LRRTM3: variants seen among roughly 807,000 people sequenced by gnomAD.
LRRTM3 encodes the protein leucine rich repeat transmembrane neuronal 3.
In LRRTM3, 24 loss-of-function variants were observed where a neutral mutation model predicts 44.7. The observed-to-expected ratio is 0.54, with a 90% CI of 0.39 to 0.76. The LOEUF (loss-of-function observed/expected upper bound fraction) is 0.76. Ranked by LOEUF, LRRTM3 falls within the 30% of genes least tolerant of loss-of-function variation. The pLI is 0.00. For missense variants in LRRTM3, 587 were observed against 702.2 expected (o/e 0.84, Z 1.85); for synonymous variants, 277 against 278.7 (o/e 0.99, Z 0.06).
chr10:67,055,191 T>A (rs1855348145), intron 2 of LRRTM3, among the ~76,000 whole-genome samples: 1 of 152,184 alleles, frequency 6.6e-6, no homozygotes, highest in Non-Finnish European at 1.5e-5. Context: ...GCATCTCAAC[T>A]TTCCACATAA....
chr10:67,013,371 A>G (rs1382572368), intron 2 of LRRTM3, among the ~76,000 whole-genome samples: 1 of 152,148 alleles, frequency 6.6e-6, no homozygotes, highest in Admixed American at 6.6e-5. Flanking sequence ...CTTTATTAGG[A>G]TTTGTTAAAA....
chr10:67,052,801 T>C (rs145579261), intron 2 of LRRTM3: 38 of 152,326 alleles, frequency 2.5e-4, no homozygotes, highest in African/African-American at 8.9e-4. Flanking sequence ...TTTCTCTTTT[T>C]TTTAAGTTTT....
intron 2 of LRRTM3, among the ~76,000 whole-genome samples, chr10:67,086,417 G>A (rs1346724448): frequency 6.6e-6 from 1 of 151,998 alleles, no homozygotes; most frequent in African/African-American, 2.4e-5. Context: ...TGAAGTTGAA[G>A]AGAAATTCAA....
At chr10:67,009,441 T>C (rs1029625531) in intron 2 of LRRTM3, among the ~76,000 whole-genome samples, 3 of 152,172 alleles carry the variant, frequency 2.0e-5, no homozygotes, top group African/African-American at 7.2e-5. Context: ...TTCTCTCCCA[T>C]TTCTCTCCTG....
intron 2 of LRRTM3, among the ~76,000 whole-genome samples, chr10:66,947,880 T>C (rs1018181405): frequency 3.0e-4 from 45 of 152,320 alleles, no homozygotes; most frequent in African/African-American, 1.1e-3. Context: ...TTAGGCAATT[T>C]TGTCATTGTG....
chr10:66,975,360 C>T (rs943722597), intron 2 of LRRTM3, among the ~76,000 whole-genome samples: 2 of 152,136 alleles, frequency 1.3e-5, no homozygotes, highest in African/African-American at 4.8e-5. Flanking sequence ...GATGCCTAAG[C>T]ATTGTAGGTA....
At chr10:66,942,827 C>T (rs1848079026) in intron 2 of LRRTM3, among the ~76,000 whole-genome samples, 3 of 152,132 alleles carry the variant, frequency 2.0e-5, no homozygotes, top group Non-Finnish European at 4.4e-5. Flanking sequence ...AGGAAGAAAA[C>T]ACAATATCAA....
intron 2 of LRRTM3, among the ~76,000 whole-genome samples, chr10:66,963,114 A>C (rs1035342923): frequency 6.6e-6 from 1 of 152,220 alleles, no homozygotes; most frequent in Non-Finnish European, 1.5e-5. Context: ...AAATTATTTT[A>C]AATGTGATGC....
At chr10:67,062,998 T>C (rs568611840) in intron 2 of LRRTM3, among the ~76,000 whole-genome samples, 2 of 152,308 alleles carry the variant, frequency 1.3e-5, no homozygotes, top group South Asian at 4.1e-4. Context: ...CGTTGTCTTT[T>C]AGGCTTTCCA....
intron 2 of LRRTM3, among the ~76,000 whole-genome samples, chr10:66,995,118 C>G (rs539554868): frequency 6.6e-6 from 1 of 152,226 alleles, no homozygotes; most frequent in Non-Finnish European, 1.5e-5. Context: ...TCTGAGGTGT[C>G]ATTGCTTGAA....
intron 2 of LRRTM3, among the ~76,000 whole-genome samples, chr10:66,993,611 T>C (rs1184819081): frequency 2.0e-5 from 3 of 152,012 alleles, no homozygotes; most frequent in Non-Finnish European, 4.4e-5. Context: ...TATAATGTGA[T>C]TTTTGAGTGA....
chr10:67,026,345 T>C (rs1007628365), intron 2 of LRRTM3, among the ~76,000 whole-genome samples: 8 of 152,108 alleles, frequency 5.3e-5, no homozygotes, highest in Non-Finnish European at 1.2e-4. Context: ...GATGAATTAA[T>C]ATTTTTGGAA....
chr10:67,040,342 G>A (rs1188860792), intron 2 of LRRTM3, among the ~76,000 whole-genome samples: 1 of 152,054 alleles, frequency 6.6e-6, no homozygotes, highest in East Asian at 1.9e-4. Context: ...GATGGAGAGA[G>A]AACAACCTCA....
chr10:67,078,777 A>G (rs550224773), intron 2 of LRRTM3, among the ~76,000 whole-genome samples: 6 of 152,192 alleles, frequency 3.9e-5, no homozygotes, highest in African/African-American at 1.4e-4. Flanking sequence ...CGGCCCCCCA[A>G]CGTGCTGAGA....
chr10:67,022,465 T>C (rs1462012000), intron 2 of LRRTM3, among the ~76,000 whole-genome samples: 2 of 152,026 alleles, frequency 1.3e-5, no homozygotes, highest in Non-Finnish European at 2.9e-5. Context: ...CCTAGAAAAG[T>C]AGTTTTCACA....
At chr10:66,937,927 C>T (rs1847799043) in intron 2 of LRRTM3, among the ~76,000 whole-genome samples, 1 of 152,166 alleles carries the variant, frequency 6.6e-6, no homozygotes, top group South Asian at 2.1e-4. Context: ...GCATCACAGT[C>T]TACCTTATGT....
chr10:67,057,195 G>A (rs1261642599), intron 2 of LRRTM3, among the ~76,000 whole-genome samples: 1 of 152,128 alleles, frequency 6.6e-6, no homozygotes, highest in East Asian at 1.9e-4. Flanking sequence ...GGCATACAAT[G>A]TGATGTTTTG....
At chr10:66,997,039 T>C (rs946720705) in intron 2 of LRRTM3, among the ~76,000 whole-genome samples, 1 of 152,172 alleles carries the variant, frequency 6.6e-6, no homozygotes, top group Non-Finnish European at 1.5e-5. Flanking sequence ...TATAGATCTG[T>C]TTATATTAAT....
chr10:67,058,850 C>A (rs1387285989), intron 2 of LRRTM3, among the ~76,000 whole-genome samples: 1 of 152,124 alleles, frequency 6.6e-6, no homozygotes, highest in African/African-American at 2.4e-5. Context: ...AGACACATAT[C>A]AATTTCTAAG....
Sources: gnomAD v4.1 joint callset for allele counts (sites outside exome capture counted in the v4.1 genomes callset) on GRCh38, gnomAD v4.1.1 for gene constraint, MANE v1.5 for transcripts, NCBI Gene and HGNC (gene_info 2026-07-23, HGNC 2026-07-21) for gene names.